COL26A1: variants seen among roughly 807,000 people sequenced by gnomAD.
The protein encoded by COL26A1 is collagen type XXVI alpha 1 chain, also known as collagen alpha-1(XXVI) chain.
Under a neutral mutation model 59.3 loss-of-function variants are expected in COL26A1, and 41 were observed. The observed-to-expected ratio is 0.69, with a 90% confidence interval of 0.54 to 0.90. The LOEUF (loss-of-function observed/expected upper bound fraction) is 0.90, where lower values mean the gene tolerates loss of function less well. Ranked by LOEUF, COL26A1 falls within the 40% of genes least tolerant of loss-of-function variation. The pLI is 0.00. For missense variants in COL26A1, 612 were observed against 602.3 expected, an observed-to-expected ratio of 1.02 and a Z score of -0.17; for synonymous variants, 266 against 256.0, an observed-to-expected ratio of 1.04 and a Z score of -0.37.
chr7:101,380,744 A>T (rs1331766530), intron 1 of COL26A1, among the ~76,000 whole-genome samples: 1 of 152,202 alleles, frequency 6.6e-6, no homozygotes, highest in Non-Finnish European at 1.5e-5. Flanking sequence ...CAGCTTAAAC[A>T]TCACATCTTC....
At chr7:101,494,842 C>G (rs192190825) in intron 3 of COL26A1, among the ~76,000 whole-genome samples, 1 of 152,180 alleles carries the variant, frequency 6.6e-6, no homozygotes, top group Non-Finnish European at 1.5e-5. Flanking sequence ...CTGCCCAGAG[C>G]GTACACTGCA....
chr7:101,517,012 G>A (rs1795042122), intron 3 of COL26A1, among the ~76,000 whole-genome samples: 3 of 152,042 alleles, frequency 2.0e-5, no homozygotes, highest in South Asian at 2.1e-4. Context: ...AGTGCTCCTC[G>A]GATTACCATG....
At chr7:101,501,484 C>T (rs1443607794) in intron 3 of COL26A1, among the ~76,000 whole-genome samples, 17 of 152,204 alleles carry the variant, frequency 1.1e-4, no homozygotes, top group Admixed American at 1.1e-3. Flanking sequence ...GCTCCAATAT[C>T]TTCCCCTGCT....
At chr7:101,472,653 AGCATGGAGCAGCT>A (rs1443324302) in intron 3 of COL26A1, among the ~76,000 whole-genome samples, 4 of 152,154 alleles carry the variant, frequency 2.6e-5, no homozygotes, top group Non-Finnish European at 5.9e-5. Flanking sequence ...CTCCCAGGAG[AGCATGGAGCAGCT>A]GGGATGAGGA....
chr7:101,391,181 G>A (rs780660521), intron 1 of COL26A1, among the ~76,000 whole-genome samples: 35 of 152,222 alleles, frequency 2.3e-4, no homozygotes, highest in Non-Finnish European at 2.4e-4. Flanking sequence ...TGGGGTGTCC[G>A]GTTCTGGGGG....
chr7:101,452,494 G>A (rs142611063), intron 3 of COL26A1, among the ~76,000 whole-genome samples: 66 of 152,234 alleles, frequency 4.3e-4, no homozygotes, highest in Middle Eastern at 3.4e-3. Context: ...ACAGTCATGC[G>A]TGGCTTAATG....
At chr7:101,540,848 A>G (rs1795602601) in intron 5 of COL26A1, among the ~76,000 whole-genome samples, 1 of 152,144 alleles carries the variant, frequency 6.6e-6, no homozygotes, top group African/African-American at 2.4e-5. Flanking sequence ...TCTCAAAAAA[A>G]TAGATGATCT....
chr7:101,549,848 A>G (rs1168545299), intron 9 of COL26A1, among the ~76,000 whole-genome samples: 1 of 152,148 alleles, frequency 6.6e-6, no homozygotes, highest in Non-Finnish European at 1.5e-5. Context: ...GAGTTGGGCC[A>G]GGTCACAGAA....
intron 3 of COL26A1, among the ~76,000 whole-genome samples, chr7:101,532,386 A>G (rs1410888948): frequency 6.6e-6 from 1 of 152,086 alleles, no homozygotes; most frequent in Non-Finnish European, 1.5e-5. Flanking sequence ...GGTGTTAGAG[A>G]TCCTTGACCT....
At chr7:101,434,461 T>C (rs2130332617) in intron 2 of COL26A1, among the ~76,000 whole-genome samples, 1 of 152,132 alleles carries the variant, frequency 6.6e-6, no homozygotes, top group Admixed American at 6.6e-5. Flanking sequence ...AGGGTCTCAC[T>C]GTGTTGCCCA....
intron 3 of COL26A1, among the ~76,000 whole-genome samples, chr7:101,471,564 G>GTTTTT (rs1562997549): frequency 7.8e-6 from 1 of 129,024 alleles, no homozygotes; most frequent in African/African-American, 3.1e-5. Flanking sequence ...TGTTGTTGTT[G>GTTTTT]TTGTTTGTTT....
At chr7:101,404,654 A>G (rs1284861460) in intron 1 of COL26A1, among the ~76,000 whole-genome samples, 1 of 152,240 alleles carries the variant, frequency 6.6e-6, no homozygotes, top group East Asian at 1.9e-4. Context: ...CCATCTCTTT[A>G]GGAGGCTGAA....
intron 1 of COL26A1, among the ~76,000 whole-genome samples, chr7:101,373,499 A>G (rs748081856): frequency 1.5e-4 from 22 of 147,600 alleles, no homozygotes; most frequent in Admixed American, 6.8e-5. Flanking sequence ...GTGCTCAAGG[A>G]AAGTTTGTTG....
chr7:101,492,515 G>A (rs1373847574), intron 3 of COL26A1, among the ~76,000 whole-genome samples: 4 of 151,598 alleles, frequency 2.6e-5, no homozygotes, highest in African/African-American at 9.7e-5. Context: ...TGGCCAACAC[G>A]GAGAAACCCC....
chr7:101,515,306 G>T (rs1009756029), intron 3 of COL26A1, among the ~76,000 whole-genome samples: 6 of 152,096 alleles, frequency 3.9e-5, no homozygotes, highest in South Asian at 2.1e-4. Flanking sequence ...TTGAGACAGG[G>T]TCTCAACAGA....
At chr7:101,536,605 TA>T (rs1795488443) in intron 4 of COL26A1, among the ~76,000 whole-genome samples, 1 of 152,196 alleles carries the variant, frequency 6.6e-6, no homozygotes, top group South Asian at 2.1e-4. Context: ...ATGGCTTGCA[TA>T]AAACAGCAGC....
intron 3 of COL26A1, among the ~76,000 whole-genome samples, chr7:101,455,985 C>A (rs1793461917): frequency 6.6e-6 from 1 of 152,120 alleles, no homozygotes; most frequent in African/African-American, 2.4e-5. Flanking sequence ...TGCACCTGGC[C>A]TGGTAAGTTT....
chr7:101,521,926 C>T (rs1307833418), intron 3 of COL26A1, among the ~76,000 whole-genome samples: 3 of 152,092 alleles, frequency 2.0e-5, no homozygotes, highest in African/African-American at 7.2e-5. Context: ...CTGTGAGACT[C>T]GTCCACACTG....
chr7:101,403,383 G>A (rs931575451), intron 1 of COL26A1, among the ~76,000 whole-genome samples: 3 of 152,050 alleles, frequency 2.0e-5, no homozygotes, highest in Non-Finnish European at 4.4e-5. Flanking sequence ...GTGGGGTGTG[G>A]TGGTATGTGC....
Sources: gnomAD v4.1 joint callset for allele counts (sites outside exome capture counted in the v4.1 genomes callset) on GRCh38, gnomAD v4.1.1 for gene constraint, MANE v1.5 for transcripts, NCBI Gene and HGNC (gene_info 2026-07-23, HGNC 2026-07-21) for gene names.